Variants in CERK observed in about 807,000 individuals in gnomAD.
CERK encodes acylsphingosine kinase.
Under a neutral mutation model 63.4 loss-of-function variants are expected in CERK, and 39 were observed. The ratio of observed to expected loss-of-function variants is 0.61; its 90% CI spans 0.48 to 0.80. The LOEUF is 0.80. Ranked by LOEUF, CERK falls within the 30% of genes least tolerant of loss-of-function variation. The pLI is 0.00. For missense variants in CERK, 670 were observed against 714.1 expected, an observed-to-expected ratio of 0.94 and a Z score of 0.70; for synonymous variants, 302 against 280.0, an observed-to-expected ratio of 1.08 and a Z score of -0.78.
At chr22:46,716,404 T>C (rs2146575419) in intron 3 of CERK, among the ~76,000 whole-genome samples, 1 of 150,908 alleles carries the variant, frequency 6.6e-6, no homozygotes, top group South Asian at 2.1e-4. Flanking sequence ...TTGGCCAGGC[T>C]GGTCCCGAAC....
At chr22:46,693,138 C>G (rs1387812501) in intron 10 of CERK, among the ~76,000 whole-genome samples, 2 of 152,134 alleles carry the variant, frequency 1.3e-5, no homozygotes, top group Admixed American at 6.6e-5. Context: ...ACATCTGCTG[C>G]CCCCACATTC....
chr22:46,696,365 C>A (rs2082756292), intron 8 of CERK, among the ~76,000 whole-genome samples: 1 of 152,190 alleles, frequency 6.6e-6, no homozygotes, highest in Admixed American at 6.5e-5. Context: ...CCTGCTCCTC[C>A]CATGGGGGTC....
intron 3 of CERK, among the ~76,000 whole-genome samples, chr22:46,713,724 T>C (rs13054785): frequency 0.73 from 110,383 of 151,914 alleles, 40,434 homozygotes; most frequent in Non-Finnish European, 0.77. Context: ...GAAAACAGTA[T>C]GCAGAGAGAC....
intron 3 of CERK, among the ~76,000 whole-genome samples, chr22:46,713,966 G>A (rs1489624579): frequency 1.3e-5 from 2 of 151,998 alleles, no homozygotes; most frequent in Non-Finnish European, 2.9e-5. Context: ...ACTCTGTCTC[G>A]ACAAACGATC....
rs966795144 is a variant in CERK at position 46,685,981 on chromosome 22, G to A, written c.*1153C>T. ...CTACGTTACAGACATCATCTACGTGGGCACGGATACACACTAAACAAGGAC... is the reference window on the plus strand; with the variant it reads ...CTACGTTACAGACATCATCTACGTGAGCACGGATACACACTAAACAAGGAC... On this transcript the variant is annotated 3_prime_UTR_variant, in exon 13 of 13. Coordinates refer to ENST00000216264, the MANE Select transcript of CERK (RefSeq NM_022766.6). 2 of 152,132 alleles carry A rather than the reference G, an allele frequency of 1.3e-5. No homozygotes were observed. Among genetic ancestry groups the A allele is most frequent in the African/African-American group, 2.4e-5 (1 of 41,418 alleles). The allele number at this position is 152,132 out of a possible 1,614,324, so 9.4% of individuals were successfully genotyped here.
intron 7 of CERK, among the ~76,000 whole-genome samples, chr22:46,700,830 G>A (rs1440067396): frequency 1.3e-5 from 2 of 152,102 alleles, no homozygotes; most frequent in Non-Finnish European, 1.5e-5. Context: ...TGACCAATAC[G>A]GTGAAACCCC....
At chr22:46,687,683 G>A (rs865932431) in intron 12 of CERK, among the ~76,000 whole-genome samples, 1 of 151,630 alleles carries the variant, frequency 6.6e-6, no homozygotes, top group Non-Finnish European at 1.5e-5. Context: ...TGTGAGGAAT[G>A]CTCAGATGAG....
Position 46,699,478 on chromosome 22 carries a change from A to C in CERK, c.791-13T>G. 1 of 1,613,458 alleles carries C rather than the reference A, an allele frequency of 6.2e-7. No individual in the cohort carries two copies. The highest frequency in any genetic ancestry group is 1.1e-5 in the South Asian group (1 of 91,056). On this transcript the variant is annotated splice_polypyrimidine_tract_variant and intron_variant, in intron 7 of 12. Coordinates refer to ENST00000216264, the MANE Select transcript of CERK (RefSeq NM_022766.6). ...GCCAGCGAGTCCCCTGTGGGAGAGA[A>C]CGGCCGTGAGGGAAGGCAGCCCCCC...
chr22:46,725,009 CA>C, intron 1 of CERK, among the ~76,000 whole-genome samples: 1 of 151,732 alleles, frequency 6.6e-6, no homozygotes, highest in South Asian at 2.1e-4. Flanking sequence ...CGAAAGACAG[CA>C]AAACTCCATC....
At chr22:46,689,154 C>T (rs895530559) in intron 12 of CERK, among the ~76,000 whole-genome samples, 15 of 152,230 alleles carry the variant, frequency 9.9e-5, no homozygotes, top group South Asian at 2.1e-4. Context: ...CCTGCCTCCC[C>T]GCGTCCCCTA....
intron 6 of CERK, among the ~76,000 whole-genome samples, chr22:46,704,702 G>T (rs1281082420): frequency 1.3e-5 from 2 of 151,822 alleles, no homozygotes; most frequent in Middle Eastern, 6.8e-3. Context: ...GTGGGTGCCT[G>T]TAATCCCAGC....
At chr22:46,712,380 G>C (rs1241783914) in intron 3 of CERK, 87 bp from the exon 4 acceptor site, 1 of 1,281,922 alleles carries the variant, frequency 7.8e-7, no homozygotes, top group African/African-American at 1.5e-5. Flanking sequence ...AACCATGAGG[G>C]TTTTAGAATT....
chr22:46,701,522 C>T lies in CERK; in HGVS notation c.790+114G>A, dbSNP rs150942214. 358 of 848,024 alleles carry T rather than the reference C, an allele frequency of 4.2e-4. 1 individual carries two copies. In the African/African-American group the frequency reaches 5.2e-3, roughly 12 times the overall value. The allele number at this position is 848,024 out of a possible 1,614,324, so 52.5% of individuals were successfully genotyped here. A position where few individuals can be genotyped will look rare whatever the true frequency, so the allele number is the denominator to read the frequency against. ...AGAGCAGGGGACACAGCGTGACCCA[C>T]GGCCAGGACAGGACGGCAACGGCTG... On this transcript the variant is annotated intron_variant, in intron 7 of 12. Coordinates refer to ENST00000216264, the MANE Select transcript of CERK (RefSeq NM_022766.6).
chr22:46,732,723 C>T (rs1473000361), intron 1 of CERK, among the ~76,000 whole-genome samples: 1 of 152,068 alleles, frequency 6.6e-6, no homozygotes, highest in Non-Finnish European at 1.5e-5. Context: ...GCTGTGCTTT[C>T]GCCCTTCCCC....
Position 46,695,192 on chromosome 22 carries a change from A to G in CERK, c.1049+18T>C. On this transcript the variant is annotated intron_variant, in intron 9 of 12. Transcript: ENST00000216264. ...TTCCCGTCATTTGCAAGAGAAACAC[A>G]CAAAGCAATGCACTTACCCTGCCCG... 8.1e-7 allele frequency: 1 copy of G among 1,237,930 alleles called. No individual in the cohort carries two copies. Among genetic ancestry groups the G allele is most frequent in the Non-Finnish European group, 1.2e-6 (1 of 854,748 alleles). The allele number at this position is 1,237,930 out of a possible 1,614,324, so 76.7% of individuals were successfully genotyped here.
intron 7 of CERK, 25 bp from the exon 8 acceptor site, chr22:46,699,490 G>C: frequency 6.2e-7 from 1 of 1,612,406 alleles, no homozygotes; most frequent in Middle Eastern, 1.7e-4. Flanking sequence ...GGCCGTGAGG[G>C]AAGGCAGCCC....
chr22:46,701,553 C>G, intron 7 of CERK, 83 bp downstream of exon 7: 3 of 1,198,046 alleles, frequency 2.5e-6, no homozygotes, highest in Non-Finnish European at 3.5e-6. Flanking sequence ...GGCTGGAACA[C>G]GCGACGGGGA....
chr22:46,733,899 G>T (rs1376139815), intron 1 of CERK, among the ~76,000 whole-genome samples: 1 of 151,842 alleles, frequency 6.6e-6, no homozygotes, highest in African/African-American at 2.4e-5. Flanking sequence ...AAAATTAGCT[G>T]GTGGCAGGTG....
intron 12 of CERK, among the ~76,000 whole-genome samples, chr22:46,687,770 C>G (rs984510597): frequency 1.3e-5 from 2 of 152,200 alleles, no homozygotes; most frequent in Non-Finnish European, 2.9e-5. Flanking sequence ...GTCCCCTGCC[C>G]AGGGGCTCGG....
Sources: allele counts gnomAD v4.1 joint callset (sites outside exome capture counted in the v4.1 genomes callset), GRCh38; gene constraint gnomAD v4.1.1; transcripts MANE v1.5; gene names NCBI Gene and HGNC (gene_info 2026-07-23, HGNC 2026-07-21).